The following FAT1 variants were observed in gnomAD, a reference collection of about 807,000 sequenced individuals.
FAT1 encodes the protein protocadherin Fat 1.
Under a neutral mutation model 329.8 loss-of-function variants are expected in FAT1, and 171 were observed. The ratio of observed to expected loss-of-function variants is 0.52; its 90% confidence interval spans 0.46 to 0.59. The LOEUF is 0.59. Ranked by LOEUF, FAT1 falls within the 20% of genes least tolerant of loss-of-function variation. FAT1 has a pLI of 0.00. For synonymous variants in FAT1, 2,233 were observed against 2,228.6 expected (o/e 1.00, Z -0.06); for missense variants, 5,672 against 5,774.4 (o/e 0.98, Z 0.57).
At chr4:186,611,015 C>T (rs1306757326) in intron 14 of FAT1, among the ~76,000 whole-genome samples, 4 of 152,118 alleles carry the variant, frequency 2.6e-5, no homozygotes, top group Non-Finnish European at 5.9e-5. Flanking sequence ...ATTACTATTT[C>T]ACTTGGGAAG....
intron 1 of FAT1, among the ~76,000 whole-genome samples, chr4:186,715,131 C>A (rs140411670): frequency 6.8e-6 from 1 of 147,772 alleles, no homozygotes; most frequent in African/African-American, 2.7e-5. Flanking sequence ...CCCCTCCATC[C>A]CCCCACCAGA....
intron 2 of FAT1, among the ~76,000 whole-genome samples, chr4:186,702,056 G>A (rs1034394524): frequency 3.1e-5 from 4 of 126,996 alleles, no homozygotes; most frequent in African/African-American, 1.0e-4. Context: ...GGTGACACAG[G>A]GATGAGGCCA....
At chr4:186,658,423 CTT>C (rs1232737321) in intron 3 of FAT1, among the ~76,000 whole-genome samples, 1 of 152,104 alleles carries the variant, frequency 6.6e-6, no homozygotes, top group African/African-American at 2.4e-5. Context: ...CTTGTTGTGA[CTT>C]TTAAAATATT....
rs2126502618 is a variant in FAT1, at chr4:186,619,141, A to G, written c.7445T>C (p.Val2482Ala). 6.2e-7 allele frequency: 1 copy of G among 1,613,998 alleles called. No homozygotes were observed. Among genetic ancestry groups the G allele is most frequent in the African/African-American group, 1.3e-5 (1 of 75,060 alleles). ...FRSSTQVHVT[V>A]IGGNLHSPAF... The stretch of plus-strand genomic sequence containing the variant: ...AGGACTGTGCAAATTGCCTCCAATT[A>G]CAGTTACATGAACCTGGGTGGAACT... Residue 2482 changes from valine to alanine, a missense_variant, in exon 10 of 27, where the codon GTA becomes GCA. Transcript: ENST00000441802.
rs779288093 is a variant in FAT1, at chr4:186,709,029, G to C, written c.799C>G (p.Leu267Val). 5 of 1,613,886 alleles carry C rather than the reference G, an allele frequency of 3.1e-6. No homozygotes were observed. Among genetic ancestry groups the C allele is most frequent in the Non-Finnish European group, 4.2e-6 (5 of 1,179,900 alleles). The change falls in exon 2 of 27, where the codon CTG becomes GTG. Residue 267 changes from leucine to valine, a missense_variant. This residue lies in a region of FAT1 where 3,966 missense variants were observed against 3,915.2 expected (regional missense o/e 1.01). Transcript: ENST00000441802. ...ATTGCATATGCTGGGTCCCTGTCCA[G>C]TTCTGATGGTGACAATGTCACTGCT... is the stretch of plus-strand genomic sequence containing the variant. ...ITAVTLSPSE[L>V]DRDPAYAIVT...
chr4:186,684,074 G>T (rs549709370), intron 2 of FAT1, among the ~76,000 whole-genome samples: 1 of 151,808 alleles, frequency 6.6e-6, no homozygotes, highest in East Asian at 1.9e-4. Flanking sequence ...AGTTTAAATA[G>T]AACTATAAAC....
chr4:186,606,212 A>G lies in FAT1; in HGVS notation c.10208T>C (p.Ile3403Thr). The G allele has an allele frequency of 6.2e-7, 1 of 1,612,670 alleles. No homozygotes were observed. ...KVTKLLDRET[I>T]SGYTLTVQAS... ...TTGAACCGTGAGCGTGTAACCTGAA[A>G]TCTTTTCAGGCAAAAGACAGAATGC... Residue 3403 changes from isoleucine (I) to threonine (T), a missense_variant and splice_region_variant, in exon 17 of 27, where the codon ATT becomes ACT. Around this residue, in one of 2 missense-constraint regions of FAT1, gnomAD observed 1,706 missense variants for 1,859.1 expected, o/e 0.92. Coordinates refer to ENST00000441802, the MANE Select transcript of FAT1 (RefSeq NM_005245.4).
In FAT1 at chr4:186,663,399, C is replaced by G. The variant is rs577288822; in HGVS notation, c.3480G>C (p.Gln1160His). The G allele has an allele frequency of 1.9e-6, 3 of 1,614,044 alleles. No homozygotes were observed. Among genetic ancestry groups the G allele is most frequent in the African/African-American group, 1.3e-5 (1 of 75,048 alleles). ...TCGAATCTGGATCAAATGCCTCGAT[C>G]TGGACCACAGATACATCTTTAGGAG... Reference protein sequence around the residue: ...ENSPKDVSVVQIEAFDPDSSS... With the variant: ...ENSPKDVSVVHIEAFDPDSSS... The change falls in exon 3 of 27, where the codon CAG becomes CAC. Residue 1160 changes from glutamine to histidine, a missense_variant. Physicochemically the swap from Gln to His is conservative, Grantham distance 24 (BLOSUM62 0). Around this residue, in one of 2 missense-constraint regions of FAT1, gnomAD observed 3,966 missense variants for 3,915.2 expected, o/e 1.01. Transcript: ENST00000441802.
rs767990262 is a variant in FAT1 at position 186,621,461 on chromosome 4, C to T, written c.5125G>A (p.Ala1709Thr). 1.9e-6 allele frequency: 3 copies of T among 1,613,934 alleles called. No individual in the cohort carries two copies. Among genetic ancestry groups the T allele is most frequent in the South Asian group, 1.1e-5 (1 of 91,080 alleles). ...YEIKDGNTGD[A>T]FDINPHSGTI... ...CCAGAATGTGGATTAATATCAAAAG[C>T]ATCACCTGTATTTCCATCTTTTATT... The change falls in exon 10 of 27, where the codon GCT becomes ACT. Residue 1709 changes from alanine (A) to threonine (T), a missense_variant. Coordinates refer to ENST00000441802, the MANE Select transcript of FAT1 (RefSeq NM_005245.4).
chr4:186,712,636 C>T (rs1021908195), intron 1 of FAT1, among the ~76,000 whole-genome samples: 2 of 152,102 alleles, frequency 1.3e-5, no homozygotes, highest in Non-Finnish European at 2.9e-5. Context: ...AGACCAGGGT[C>T]AGGAACCTGA....
intron 2 of FAT1, among the ~76,000 whole-genome samples, chr4:186,664,216 A>G (rs60907368): frequency 0.015 from 2,235 of 152,260 alleles, 49 homozygotes; most frequent in African/African-American, 0.052. Flanking sequence ...AAGGAAAGAA[A>G]CTGCAACCTT....
intron 22 of FAT1, among the ~76,000 whole-genome samples, chr4:186,599,317 G>A (rs1432227205): frequency 1.3e-5 from 2 of 152,116 alleles, no homozygotes; most frequent in Non-Finnish European, 2.9e-5. Flanking sequence ...GCTCTATTTG[G>A]TATGACAACT....
rs1360636585 is a variant in FAT1, at chr4:186,588,382, T to C, written c.*210A>G. On this transcript the variant is annotated 3_prime_UTR_variant, in exon 27 of 27. Transcript: ENST00000441802. ...AGACAGATGTAAATCCCAAAAGACGTTGGGAAATGGCACAGCCGATGAAAA... is the reference window on the plus strand; with the variant it reads ...AGACAGATGTAAATCCCAAAAGACGCTGGGAAATGGCACAGCCGATGAAAA... 8.9e-6 allele frequency: 5 copies of C among 560,964 alleles called. No homozygotes were observed. Among genetic ancestry groups the C allele is most frequent in the African/African-American group, 3.7e-5 (2 of 53,576 alleles). 34.7% of individuals were successfully genotyped at this position (560,964 alleles called of 1,614,324 possible). A position where few individuals can be genotyped will look rare whatever the true frequency, so the allele number is the denominator to read the frequency against.
intron 9 of FAT1, among the ~76,000 whole-genome samples, chr4:186,624,562 A>G (rs191120901): frequency 3.9e-5 from 6 of 152,338 alleles, no homozygotes; most frequent in Admixed American, 1.3e-4. Context: ...AAACACACAG[A>G]CCAGAGTATG....
At chr4:186,723,339 A>T (rs1745544741) in intron 1 of FAT1, among the ~76,000 whole-genome samples, 1 of 152,188 alleles carries the variant, frequency 6.6e-6, no homozygotes, top group Non-Finnish European at 1.5e-5. Context: ...GGGATGCCCC[A>T]GGAGACCGCG....
chr4:186,601,507 G>T, intron 20 of FAT1, 81 bp from the exon 21 acceptor site: 1 of 1,141,828 alleles, frequency 8.8e-7, no homozygotes. Flanking sequence ...TGCACCCCTT[G>T]AGACTGATTT....
At chr4:186,702,366 C>T (rs778787201) in intron 2 of FAT1, among the ~76,000 whole-genome samples, 1 of 152,162 alleles carries the variant, frequency 6.6e-6, no homozygotes, top group Non-Finnish European at 1.5e-5. Flanking sequence ...CTGCTCTTAT[C>T]TTAATGAAAA....
intron 1 of FAT1, among the ~76,000 whole-genome samples, chr4:186,719,449 T>C (rs1287554648): frequency 2.0e-5 from 3 of 152,160 alleles, no homozygotes. Context: ...ATCCCAAACC[T>C]CCCTTAGAGA....
intron 2 of FAT1, among the ~76,000 whole-genome samples, chr4:186,689,793 C>G (rs533382447): frequency 2.0e-5 from 3 of 152,298 alleles, no homozygotes; most frequent in African/African-American, 7.2e-5. Flanking sequence ...ACCCGCCACA[C>G]GACTCGACTC....
Sources: gnomAD v4.1 joint callset for allele counts (sites outside exome capture counted in the v4.1 genomes callset) on GRCh38, gnomAD v4.1.1 for gene constraint, gnomAD v4.1.1 regional missense constraint, MANE v1.5 for transcripts, NCBI Gene and HGNC (gene_info 2026-07-23, HGNC 2026-07-21) for gene names.